ITGA11: variants seen among roughly 807,000 people sequenced by gnomAD.
The protein encoded by ITGA11 is integrin alpha-11.
In ITGA11, 97 loss-of-function variants were observed where a neutral mutation model predicts 141.9. The observed-to-expected ratio is 0.68, with a 90% CI of 0.58 to 0.81. The LOEUF is 0.81. ITGA11 is among the 30% of genes least tolerant of loss of function. ITGA11 has a pLI of 0.00. For synonymous variants in ITGA11, 658 were observed against 624.6 expected, an observed-to-expected ratio of 1.05 and a Z score of -0.80; for missense variants, 1,387 against 1,559.2, an observed-to-expected ratio of 0.89 and a Z score of 1.86.
At position 68,404,509 on chromosome 15, in the gene ITGA11, A is replaced by T. The variant is rs542775579; in HGVS notation, c.53-1480T>A. 2.0e-5 allele frequency among the ~76,000 whole-genome samples: 3 copies of T among 152,282 alleles called. No homozygotes were observed. In the South Asian group the frequency reaches 6.2e-4, roughly 32 times the overall value. On this transcript the variant is annotated intron_variant, in intron 1 of 29. Transcript: ENST00000315757. ...CAACAAAATAGCACCTCACATCTGT[A>T]TAGTACTTTTGGTTTCTGGGCCTCC... is the stretch of plus-strand genomic sequence containing the variant.
In ITGA11 at chr15:68,420,532, G is replaced by C. The variant is rs1896991359; in HGVS notation, c.52+11483C>G. The stretch of plus-strand genomic sequence containing the variant: ...CTTCTTGTCTGGAAAGAAAGCCTTT[G>C]ATAACAAGTGGACAGGGAAAAGTCA... On this transcript the variant is annotated intron_variant, in intron 1 of 29. Coordinates refer to ENST00000315757, the MANE Select transcript of ITGA11 (RefSeq NM_001004439.2). Among the ~76,000 whole-genome samples the C allele has an allele frequency of 2.0e-5, 3 of 152,198 alleles. No homozygotes were observed. The South Asian group carries it at 6.2e-4, about 32-fold the overall frequency.
chr15:68,352,286 G>A (rs181495535), intron 7 of ITGA11, among the ~76,000 whole-genome samples: 2 of 151,316 alleles, frequency 1.3e-5, no homozygotes, highest in African/African-American at 2.4e-5. Context: ...TCTTCCTCCC[G>A]GGTTCAAGCG....
chr15:68,359,539 G>A (rs140248328), intron 5 of ITGA11, among the ~76,000 whole-genome samples: 11,794 of 152,100 alleles, frequency 0.078, 1,000 homozygotes, highest in African/African-American at 0.21. Context: ...CCAGCTACTC[G>A]GGAGGCTGAA....
Position 68,335,792 on chromosome 15 carries a change from C to T in ITGA11, c.1330G>A (p.Gly444Arg), listed in dbSNP as rs755899934. 17 of 1,613,260 alleles carry T rather than the reference C, an allele frequency of 1.1e-5. No individual in the cohort carries two copies. The highest frequency in any genetic ancestry group is 6.7e-5 in the Admixed American group (4 of 59,938). The change falls in exon 12 of 30, where the codon GGA becomes AGA. Residue 444 changes from glycine to arginine, a missense_variant. By Grantham distance (125) the Gly-to-Arg change is moderately radical (BLOSUM62 -2). Coordinates refer to ENST00000315757, the MANE Select transcript of ITGA11 (RefSeq NM_001004439.2). The surrounding 1 kb of genome is among the most constrained non-coding windows in gnomAD (Gnocchi z 4.9). ...CCCGTGTGGTTGAACCGGGGGGCTC[C>T]GGCCACGTACACCCGCCCCTGCCTG... Reference protein sequence around the residue: ...SSRQGRVYVAGAPRFNHTGKV... With the variant: ...SSRQGRVYVARAPRFNHTGKV...
rs1289355585 is a variant in ITGA11 at position 68,366,876 on chromosome 15, C to T, written c.266-2078G>A. Among the ~76,000 whole-genome samples the T allele has an allele frequency of 4.6e-5, 7 of 152,274 alleles. No individual in the cohort carries two copies. In the East Asian group the frequency reaches 5.8e-4, roughly 13 times the overall value. On this transcript the variant is annotated intron_variant, in intron 3 of 29. Coordinates refer to ENST00000315757, the MANE Select transcript of ITGA11 (RefSeq NM_001004439.2). Reference sequence around the variant, plus strand: ...GGACAGTGCCAGTGGTAGAGTCTTTCCCACAGAGGTGTGAATGGCTGACAC... The same window carrying T: ...GGACAGTGCCAGTGGTAGAGTCTTTTCCACAGAGGTGTGAATGGCTGACAC...
At chr15:68,414,867 C>T (rs1242995521) in intron 1 of ITGA11, among the ~76,000 whole-genome samples, 1 of 152,196 alleles carries the variant, frequency 6.6e-6, no homozygotes, top group African/African-American at 2.4e-5. Context: ...AGCGCCCAGC[C>T]GGGCCTGCCC....
chr15:68,431,624 C>A (rs1029159587), intron 1 of ITGA11, among the ~76,000 whole-genome samples: 2 of 152,212 alleles, frequency 1.3e-5, no homozygotes, highest in African/African-American at 4.8e-5. Flanking sequence ...GCGCTGATTC[C>A]CTTCCCCAGC....
At chr15:68,344,155 C>T (rs894032867) in intron 10 of ITGA11, among the ~76,000 whole-genome samples, 3 of 152,134 alleles carry the variant, frequency 2.0e-5, no homozygotes, top group Non-Finnish European at 4.4e-5. Flanking sequence ...CAGGAGACAA[C>T]TCGCAAACCC....
chr15:68,402,982 G>T lies in ITGA11; in HGVS notation c.100C>A (p.Pro34Thr). The stretch of plus-strand genomic sequence containing the variant: ...CCAAAGAAGGCGGTCCTGGAGCCAG[G>T]GATGACCCGGGGCTTCCTGGTGTCC... ...NMDTRKPRVI[P>T]GSRTAFFGYT... is the part of the protein sequence containing the mutation. Residue 34 changes from proline (P) to threonine (T), a missense_variant, in exon 2 of 30, where the codon CCT becomes ACT. By Grantham distance (38) the Pro-to-Thr change is conservative. Transcript: ENST00000315757. 1 of 1,613,784 alleles carries T rather than the reference G, an allele frequency of 6.2e-7. No homozygotes were observed. Among genetic ancestry groups the T allele is most frequent in the Non-Finnish European group, 8.5e-7 (1 of 1,179,810 alleles).
At chr15:68,337,631 T>C (rs7161871) in intron 11 of ITGA11, among the ~76,000 whole-genome samples, 8,789 of 152,170 alleles carry the variant, frequency 0.058, 771 homozygotes, top group African/African-American at 0.19. Context: ...AGCTCTACCC[T>C]ATCAGGGTCT....
intron 2 of ITGA11, among the ~76,000 whole-genome samples, chr15:68,380,134 T>C (rs1567151102): frequency 6.6e-6 from 1 of 152,142 alleles, no homozygotes; most frequent in East Asian, 1.9e-4. Context: ...CCAAATCACG[T>C]GGTCAGGTAG....
At chr15:68,422,704 C>T (rs184448541) in intron 1 of ITGA11, among the ~76,000 whole-genome samples, 5 of 152,320 alleles carry the variant, frequency 3.3e-5, no homozygotes, top group African/African-American at 9.6e-5. Flanking sequence ...CCATTCCTCA[C>T]AGCACACACT....
Position 68,301,459 on chromosome 15 carries a change from C to A in ITGA11, c.*1600G>T, listed in dbSNP as rs7176148. On this transcript the variant is annotated 3_prime_UTR_variant, in exon 30 of 30. Transcript: ENST00000315757. This position sits in a 1 kb window ranked among gnomAD's most constrained non-coding sequence, Gnocchi z 4.4. ...GAAACATTTAGGTCCTAACCGTCCA[C>A]ACTGGCCATAGATGGAAGGGTGATC... is the stretch of plus-strand genomic sequence containing the variant. 5,714 of 152,322 alleles carry A rather than the reference C, an allele frequency of 0.038. 368 individuals are homozygous for A. Among genetic ancestry groups the A allele is most frequent in the African/African-American group, 0.13 (5,463 of 41,504 alleles). 9.4% of individuals were successfully genotyped at this position (152,322 alleles called of 1,614,324 possible).
Position 68,307,115 on chromosome 15 carries a change from A to G in ITGA11, c.3381+233T>C, listed in dbSNP as rs968620710. Among the ~76,000 whole-genome samples, 16 of 152,158 alleles carry G rather than the reference A, an allele frequency of 1.1e-4. No homozygotes were observed. The highest frequency in any genetic ancestry group is 3.6e-4 in the African/African-American group (15 of 41,430). ...AGGCATCTCCCATCCTTTGGTCTTCACAAATTCAGTTCACACCAGACCTCT... is the reference window on the plus strand; with the variant it reads ...AGGCATCTCCCATCCTTTGGTCTTCGCAAATTCAGTTCACACCAGACCTCT... On this transcript the variant is annotated intron_variant, in intron 28 of 29. Transcript: ENST00000315757. This position sits in a 1 kb window ranked among gnomAD's most constrained non-coding sequence, Gnocchi z 6.1.
At chr15:68,349,047 C>G in intron 9 of ITGA11, 147 bp from the exon 10 acceptor site, 2 of 705,582 alleles carry the variant, frequency 2.8e-6, no homozygotes, top group South Asian at 1.7e-5. Context: ...AAGCTGAGGC[C>G]AGTAGTGTGC....
chr15:68,390,955 C>G (rs1182655314), intron 2 of ITGA11, among the ~76,000 whole-genome samples: 2 of 152,208 alleles, frequency 1.3e-5, no homozygotes, highest in Non-Finnish European at 2.9e-5. Context: ...TGGGGTCATG[C>G]TTAATAGTCA....
intron 2 of ITGA11, among the ~76,000 whole-genome samples, chr15:68,378,891 G>T (rs959962759): frequency 6.6e-6 from 1 of 152,088 alleles, no homozygotes; most frequent in African/African-American, 2.4e-5. Flanking sequence ...CAACTTTTAG[G>T]TCCACCTCAG....
chr15:68,414,827 A>C (rs764654598), intron 1 of ITGA11, among the ~76,000 whole-genome samples: 1 of 152,098 alleles, frequency 6.6e-6, no homozygotes, highest in Non-Finnish European at 1.5e-5. Context: ...CCCCCATGAA[A>C]GTGAGCTGTA....
At position 68,326,622 on chromosome 15, in the gene ITGA11, C is replaced by A. The variant is rs747300416; in HGVS notation, c.2211+32G>T. 3.8e-6 allele frequency: 6 copies of A among 1,564,788 alleles called. No homozygotes were observed. Among genetic ancestry groups the A allele is most frequent in the Non-Finnish European group, 5.2e-6 (6 of 1,154,304 alleles). On this transcript the variant is annotated intron_variant, in intron 17 of 29. Transcript: ENST00000315757. The surrounding 1 kb of genome is among the most constrained non-coding windows in gnomAD (Gnocchi z 6.8). ...CGGCAGATGCTCCTTCCTATAGGAG[C>A]TTGGGCTCTGCTGGTGGGGCTGCCA...
Sources: allele counts gnomAD v4.1 joint callset (sites outside exome capture counted in the v4.1 genomes callset), GRCh38; gene constraint gnomAD v4.1.1; non-coding constraint Gnocchi (gnomAD v3.1); transcripts MANE v1.5; gene names NCBI Gene and HGNC (gene_info 2026-07-23, HGNC 2026-07-21).